The following GRM5 variants were observed in gnomAD, a reference collection of about 807,000 sequenced individuals.
GRM5 encodes metabotropic glutamate receptor 5.
Under a neutral mutation model 83.1 loss-of-function variants are expected in GRM5, and 19 were observed. The ratio of observed to expected loss-of-function variants is 0.23; its 90% CI spans 0.16 to 0.34. GRM5 has a LOEUF of 0.34. GRM5 is among the 10% of genes least tolerant of loss of function. The probability of loss-of-function intolerance (pLI) is 1.00; values close to 1 mark genes in which losing one functional copy is unlikely to be tolerated. For synonymous variants in GRM5, 675 were observed against 633.6 expected (o/e 1.07, Z -0.98); for missense variants, 1,160 against 1,588.3 (o/e 0.73, Z 4.58).
intron 2 of GRM5, among the ~76,000 whole-genome samples, chr11:88,957,027 A>T (rs1165643400): frequency 1.3e-5 from 2 of 152,236 alleles, no homozygotes; most frequent in Admixed American, 1.3e-4. Context: ...ATCAGTAATA[A>T]TAATTGCAGT....
intron 3 of GRM5, among the ~76,000 whole-genome samples, chr11:88,810,969 A>G (rs756173255): frequency 2.6e-5 from 4 of 152,280 alleles, no homozygotes; most frequent in Admixed American, 1.3e-4. Context: ...TCATCTGTAA[A>G]ACGGGAACAA....
intron 4 of GRM5, among the ~76,000 whole-genome samples, chr11:88,649,050 A>T (rs903669753): frequency 1.4e-5 from 2 of 145,658 alleles, no homozygotes; most frequent in African/African-American, 2.5e-5. Flanking sequence ...AATATACATA[A>T]TATATAATAT....
At chr11:88,657,530 C>T (rs572833890) in intron 3 of GRM5, among the ~76,000 whole-genome samples, 6 of 152,226 alleles carry the variant, frequency 3.9e-5, no homozygotes, top group South Asian at 4.1e-4. Context: ...TAAGGACATG[C>T]TAATCTACAG....
At chr11:88,510,665 C>T (rs1167878900) in intron 9 of GRM5, among the ~76,000 whole-genome samples, 2 of 152,178 alleles carry the variant, frequency 1.3e-5, no homozygotes, top group Admixed American at 6.5e-5. Context: ...TGTAGGCATG[C>T]GCCACCACGC....
At position 88,739,944 on chromosome 11, in the gene GRM5, T is replaced by C. The variant is rs923399652; in HGVS notation, c.912-86541A>G. 2.0e-5 allele frequency among the ~76,000 whole-genome samples: 3 copies of C among 152,098 alleles called. No homozygotes were observed. In the South Asian group the frequency reaches 6.2e-4, roughly 32 times the overall value. On this transcript the variant is annotated intron_variant, in intron 3 of 9. Coordinates refer to ENST00000305447, the MANE Select transcript of GRM5 (RefSeq NM_001143831.3). ...CTCCTGATTATATTTAATATGTAGA[T>C]TAGGCATTTATAGTAAGAACACAAC...
intron 3 of GRM5, among the ~76,000 whole-genome samples, chr11:88,685,669 C>T (rs576766135): frequency 6.0e-5 from 9 of 151,060 alleles, no homozygotes; most frequent in Admixed American, 4.6e-4. Context: ...TGCAGGCTAA[C>T]GACTTGGTGT....
At chr11:88,691,396 C>T (rs1565188701) in intron 3 of GRM5, among the ~76,000 whole-genome samples, 1 of 152,010 alleles carries the variant, frequency 6.6e-6, no homozygotes, top group South Asian at 2.1e-4. Flanking sequence ...TTACTTTAGC[C>T]ATGTAGAATA....
At chr11:88,550,054 T>G (rs1297114587) in intron 8 of GRM5, among the ~76,000 whole-genome samples, 1 of 151,996 alleles carries the variant, frequency 6.6e-6, no homozygotes, top group Non-Finnish European at 1.5e-5. Flanking sequence ...GCAAGTAAAA[T>G]GTTAAGGATG....
intron 2 of GRM5, among the ~76,000 whole-genome samples, chr11:88,869,181 A>G (rs1321114934): frequency 6.6e-6 from 1 of 151,604 alleles, no homozygotes; most frequent in Admixed American, 6.6e-5. Flanking sequence ...CCAAGCCTCC[A>G]GGGGACACTT....
At chr11:88,990,524 C>T (rs1939926869) in intron 2 of GRM5, among the ~76,000 whole-genome samples, 1 of 151,430 alleles carries the variant, frequency 6.6e-6, no homozygotes, top group African/African-American at 2.4e-5. Flanking sequence ...AGGCCAGCAT[C>T]ATTCTGATAC....
intron 3 of GRM5, among the ~76,000 whole-genome samples, chr11:88,781,512 G>A (rs562580715): frequency 3.3e-5 from 5 of 152,140 alleles, no homozygotes; most frequent in Non-Finnish European, 7.3e-5. Context: ...GGAGGCAAAG[G>A]CACGGTGCAG....
rs556695661 is a variant in GRM5 at position 88,698,190 on chromosome 11, A to G, written c.912-44787T>C. On this transcript the variant is annotated intron_variant, in intron 3 of 9. Coordinates refer to ENST00000305447, the MANE Select transcript of GRM5 (RefSeq NM_001143831.3). ...TAAAAAGTGGTTTCCCATTTCTCTC[A>G]GGGTAAAGACAAAAGTCCTGAACAT... Among the ~76,000 whole-genome samples the G allele has an allele frequency of 1.4e-4, 22 of 152,280 alleles. No homozygotes were observed. The South Asian group carries it at 3.5e-3, about 24-fold the overall frequency.
intron 3 of GRM5, among the ~76,000 whole-genome samples, chr11:88,829,784 T>C (rs72643331): frequency 0.028 from 4,336 of 152,220 alleles, 112 homozygotes; most frequent in East Asian, 0.11. Context: ...TTCAGAGAAA[T>C]TTTTTGGATC....
intron 4 of GRM5, among the ~76,000 whole-genome samples, chr11:88,647,721 A>T (rs183963243): frequency 1.2e-3 from 188 of 152,296 alleles, no homozygotes; most frequent in African/African-American, 4.3e-3. Context: ...CAGGCAACCT[A>T]CAAAATGGGA....
rs1347852024 is a variant in GRM5 at position 88,525,342 on chromosome 11, C to G, written c.2693G>C (p.Ser898Thr). ...TGTTGCTCTCCCACCATTCCCCATA[C>G]TCCCTTTGGGGGTGAAACACTCTAT... is the stretch of plus-strand genomic sequence containing the variant. ...SEIECFTPKG[S>T]MGNGGRATMS... Residue 898 changes from serine to threonine, a missense_variant, in exon 9 of 10, where the codon AGT becomes ACT. Transcript: ENST00000305447. The G allele has an allele frequency of 6.2e-7, 1 of 1,610,656 alleles. No homozygotes were observed. Among genetic ancestry groups the G allele is most frequent in the South Asian group, 1.1e-5 (1 of 91,026 alleles).
At chr11:88,960,533 G>A (rs778413948) in intron 2 of GRM5, among the ~76,000 whole-genome samples, 1 of 152,166 alleles carries the variant, frequency 6.6e-6, no homozygotes, top group Non-Finnish European at 1.5e-5. Context: ...AATGCTTGGT[G>A]CAACAGACCT....
intron 8 of GRM5, among the ~76,000 whole-genome samples, chr11:88,540,377 G>T (rs1567469): frequency 0.55 from 83,381 of 152,100 alleles, 24,994 homozygotes; most frequent in South Asian, 0.7. Context: ...ATTTCAGGAT[G>T]TAAAATAACT....
intron 4 of GRM5, among the ~76,000 whole-genome samples, chr11:88,640,315 A>AT (rs1939253707): frequency 1.3e-5 from 2 of 152,194 alleles, no homozygotes; most frequent in Non-Finnish European, 2.9e-5. Context: ...AGTCTTTCCT[A>AT]AAGTATGGTG....
intron 4 of GRM5, among the ~76,000 whole-genome samples, chr11:88,652,949 A>T: frequency 6.6e-6 from 1 of 152,208 alleles, no homozygotes; most frequent in African/African-American, 2.4e-5. Context: ...TGATACAAAT[A>T]GAAATGATCT....
Sources: gnomAD v4.1 joint callset for allele counts (sites outside exome capture counted in the v4.1 genomes callset) on GRCh38, gnomAD v4.1.1 for gene constraint, MANE v1.5 for transcripts, NCBI Gene and HGNC (gene_info 2026-07-23, HGNC 2026-07-21) for gene names.